The following ZEB1 variants were observed in gnomAD, a reference collection of about 807,000 sequenced individuals.
ZEB1 encodes the protein zinc finger E-box-binding homeobox 1.
Under a neutral mutation model 84.9 loss-of-function variants are expected in ZEB1, and 21 were observed. The observed-to-expected ratio is 0.25, with a 90% CI of 0.18 to 0.36. The LOEUF is 0.36. Among genes scored for constraint, ZEB1 ranks in the 10% least tolerant of loss-of-function variants. The pLI, the probability that ZEB1 is intolerant of heterozygous loss-of-function variation, is 1.00. For missense variants in ZEB1, 1,104 were observed against 1,330.2 expected (o/e 0.83, Z 2.65); for synonymous variants, 420 against 471.1 (o/e 0.89, Z 1.41).
intron 1 of ZEB1, among the ~76,000 whole-genome samples, chr10:31,324,849 T>C (rs889741272): frequency 6.6e-6 from 1 of 152,026 alleles, no homozygotes; most frequent in Non-Finnish European, 1.5e-5. Context: ...CAACTAGATA[T>C]GAACTAAAAG....
intron 2 of ZEB1, among the ~76,000 whole-genome samples, chr10:31,470,829 C>T (rs2137901242): frequency 7.6e-6 from 1 of 132,226 alleles, no homozygotes; most frequent in East Asian, 2.3e-4. Flanking sequence ...TCAGGTTACC[C>T]TCAAAGGGAA....
chr10:31,448,464 G>A (rs1282236543), intron 1 of ZEB1, among the ~76,000 whole-genome samples: 12 of 148,160 alleles, frequency 8.1e-5, no homozygotes, highest in Non-Finnish European at 1.6e-4. Context: ...GAGGAACTGC[G>A]TTCCTTTGGA....
chr10:31,391,335 C>G (rs1320522068), intron 1 of ZEB1, among the ~76,000 whole-genome samples: 1 of 151,546 alleles, frequency 6.6e-6, no homozygotes, highest in African/African-American at 2.4e-5. Flanking sequence ...TTGCCCCTCC[C>G]CCAAAACAGT....
chr10:31,362,805 G>C lies in ZEB1; in HGVS notation c.58+43513G>C, dbSNP rs1030545553. 5.8e-5 allele frequency: 46 copies of C among 787,050 alleles called. No homozygotes were observed. In the Admixed American group the frequency reaches 9.1e-4, roughly 16 times the overall value. 48.8% of individuals were successfully genotyped at this position (787,050 alleles called of 1,614,324 possible). ...GGCCTCCCAAAGTGCTGGATTACAGGCATGAGCCACCACGCCTGCCCTGCC... is the reference window on the plus strand; with the variant it reads ...GGCCTCCCAAAGTGCTGGATTACAGCCATGAGCCACCACGCCTGCCCTGCC... On this transcript the variant is annotated intron_variant, in intron 1 of 8. Coordinates refer to ENST00000424869, the MANE Select transcript of ZEB1 (RefSeq NM_001174096.2).
At chr10:31,452,740 T>TGAGAGAGA (rs1452289496) in intron 1 of ZEB1, among the ~76,000 whole-genome samples, 8 of 97,480 alleles carry the variant, frequency 8.2e-5, no homozygotes, top group African/African-American at 5.3e-4. Flanking sequence ...TGTGTGTGTG[T>TGAGAGAGA]GTGAGAGAGA....
At position 31,363,539 on chromosome 10, in the gene ZEB1, G is replaced by C. The variant is rs2043787527; in HGVS notation, c.58+44247G>C. ...CAGGGGCCCCTTTTATTGTCCTCCT[G>C]CCCCTGGGTCTCTACCTGGTCTTTC... On this transcript the variant is annotated intron_variant, in intron 1 of 8. Coordinates refer to ENST00000424869, the MANE Select transcript of ZEB1 (RefSeq NM_001174096.2). 5.2e-6 allele frequency: 8 copies of C among 1,528,290 alleles called. No individual in the cohort carries two copies. The South Asian group carries it at 9.5e-5, about 18-fold the overall frequency. The allele number at this position is 1,528,290 out of a possible 1,614,324, so 94.7% of individuals were successfully genotyped here.
At chr10:31,340,841 G>A (rs2039213031) in intron 1 of ZEB1, among the ~76,000 whole-genome samples, 1 of 152,078 alleles carries the variant, frequency 6.6e-6, no homozygotes, top group Admixed American at 6.5e-5. Context: ...GATTGTGAGT[G>A]CATGAGCATT....
chr10:31,469,545 C>G (rs1412408769), intron 2 of ZEB1, among the ~76,000 whole-genome samples: 1 of 152,190 alleles, frequency 6.6e-6, no homozygotes, highest in Non-Finnish European at 1.5e-5. Context: ...TATCCCGCAC[C>G]TGGCTCAGAG....
intron 1 of ZEB1, among the ~76,000 whole-genome samples, chr10:31,338,095 T>G (rs755902451): frequency 5.3e-5 from 8 of 152,238 alleles, no homozygotes; most frequent in Non-Finnish European, 1.0e-4. Flanking sequence ...CTAAATTTAC[T>G]TGGCTTCTAC....
intron 1 of ZEB1, among the ~76,000 whole-genome samples, chr10:31,453,837 G>T (rs139654949): frequency 0.012 from 1,856 of 152,240 alleles, 38 homozygotes; most frequent in African/African-American, 0.043. Flanking sequence ...GGTACAAAGA[G>T]GAGCTGGTAC....
chr10:31,319,472 G>C (rs2033106393), intron 1 of ZEB1, 180 bp downstream of exon 1: 6 of 636,188 alleles, frequency 9.4e-6, no homozygotes, highest in African/African-American at 3.7e-5. Flanking sequence ...TGCCGGAGCC[G>C]CGCCGCGGCC....
chr10:31,416,309 T>C (rs2055203519), intron 1 of ZEB1, among the ~76,000 whole-genome samples: 2 of 151,804 alleles, frequency 1.3e-5, no homozygotes, highest in African/African-American at 2.4e-5. Flanking sequence ...GCTATTGATA[T>C]AATTGAATGT....
intron 1 of ZEB1, among the ~76,000 whole-genome samples, chr10:31,335,041 T>C (rs760885418): frequency 3.3e-5 from 5 of 152,084 alleles, no homozygotes; most frequent in Admixed American, 6.6e-5. Flanking sequence ...GTATAAAAAA[T>C]GATGATTGTC....
chr10:31,428,639 C>T (rs1289400969), intron 1 of ZEB1, among the ~76,000 whole-genome samples: 1 of 152,080 alleles, frequency 6.6e-6, no homozygotes, highest in African/African-American at 2.4e-5. Flanking sequence ...TCAGTGATCT[C>T]ATATTGTGAG....
chr10:31,501,155 C>T (rs902208556), intron 3 of ZEB1, among the ~76,000 whole-genome samples: 1 of 152,160 alleles, frequency 6.6e-6, no homozygotes, highest in Non-Finnish European at 1.5e-5. Context: ...TGCTGTTTTA[C>T]AAATTTAGAC....
chr10:31,464,042 G>T (rs1259541463), intron 2 of ZEB1, among the ~76,000 whole-genome samples: 1 of 152,106 alleles, frequency 6.6e-6, no homozygotes, highest in East Asian at 1.9e-4. Flanking sequence ...TAAAACCAGT[G>T]TGTTTTAAGA....
At chr10:31,450,105 C>A (rs1386178705) in intron 1 of ZEB1, among the ~76,000 whole-genome samples, 1 of 152,100 alleles carries the variant, frequency 6.6e-6, no homozygotes, top group Non-Finnish European at 1.5e-5. Flanking sequence ...ATCCAAGATA[C>A]CATGTGTAGC....
At position 31,435,958 on chromosome 10, in the gene ZEB1, C is replaced by T. The variant is rs372891802; in HGVS notation, c.59-25079C>T. On this transcript the variant is annotated intron_variant, in intron 1 of 8. Coordinates refer to ENST00000424869, the MANE Select transcript of ZEB1 (RefSeq NM_001174096.2). ...CCTGGAGAGGATTGTTGATGATAGA[C>T]GGGATATGAGTTCCAAAAGATGAGT... Among the ~76,000 whole-genome samples the T allele has an allele frequency of 4.6e-5, 7 of 152,134 alleles. No homozygotes were observed. In the East Asian group the frequency reaches 7.7e-4, roughly 17 times the overall value.
At chr10:31,362,547 C>G (rs2043454101) in intron 1 of ZEB1, among the ~76,000 whole-genome samples, 1 of 151,924 alleles carries the variant, frequency 6.6e-6, no homozygotes, top group African/African-American at 2.4e-5. Context: ...AGAGGCGCTC[C>G]TCACTTCCCA....
Sources: allele counts gnomAD v4.1 joint callset (sites outside exome capture counted in the v4.1 genomes callset), GRCh38; gene constraint gnomAD v4.1.1; transcripts MANE v1.5; gene names NCBI Gene and HGNC (gene_info 2026-07-23, HGNC 2026-07-21).